VPS4B: variants seen among roughly 807,000 people sequenced by gnomAD.
VPS4B encodes vacuolar protein sorting 4 homolog B, also known as vacuolar protein sorting-associated protein 4B.
Under a neutral mutation model 56.1 loss-of-function variants are expected in VPS4B, and 23 were observed. The ratio of observed to expected loss-of-function variants is 0.41; its 90% CI spans 0.30 to 0.58. The LOEUF is 0.58. Among genes scored for constraint, VPS4B ranks in the 20% least tolerant of loss-of-function variants. The pLI is 0.29. For missense variants in VPS4B, 372 were observed against 531.9 expected (o/e 0.70, Z 2.96); for synonymous variants, 177 against 186.0 (o/e 0.95, Z 0.39).
intron 1 of VPS4B, among the ~76,000 whole-genome samples, chr18:63,420,476 T>A (rs868839951): frequency 6.6e-6 from 1 of 151,940 alleles, no homozygotes; most frequent in Admixed American, 6.6e-5. Context: ...CTGCAAATGA[T>A]GAAGATTATG....
chr18:63,408,660 T>C (rs530892120), intron 3 of VPS4B, among the ~76,000 whole-genome samples: 2 of 152,208 alleles, frequency 1.3e-5, no homozygotes, highest in South Asian at 2.1e-4. Context: ...AGCAGAGGAG[T>C]TGGCAACAGT....
chr18:63,406,621 A>G (rs1915922967), intron 4 of VPS4B, among the ~76,000 whole-genome samples: 1 of 152,254 alleles, frequency 6.6e-6, no homozygotes, highest in Non-Finnish European at 1.5e-5. Flanking sequence ...GTGATTAACA[A>G]AGCCAGCCAA....
chr18:63,415,621 T>C (rs1916145051), intron 1 of VPS4B: 2 of 242,946 alleles, frequency 8.2e-6, no homozygotes, highest in Non-Finnish European at 1.8e-5. Context: ...ATAACCTTGA[T>C]CTTCTTGGGG....
At chr18:63,392,818 T>C (rs536014484) in intron 10 of VPS4B, among the ~76,000 whole-genome samples, 16 of 151,514 alleles carry the variant, frequency 1.1e-4, no homozygotes, top group Non-Finnish European at 2.1e-4. Flanking sequence ...TTGTGCAATC[T>C]CGGCTCACTG....
At chr18:63,394,813 T>C (rs1599355433) in intron 9 of VPS4B, among the ~76,000 whole-genome samples, 2 of 152,272 alleles carry the variant, frequency 1.3e-5, no homozygotes, top group South Asian at 4.1e-4. Context: ...ACTTTAAATA[T>C]TATCTCAGTA....
intron 1 of VPS4B, among the ~76,000 whole-genome samples, chr18:63,416,732 G>A (rs532244610): frequency 1.6e-4 from 25 of 152,154 alleles, no homozygotes; most frequent in African/African-American, 2.6e-4. Flanking sequence ...GGTTCTCCCC[G>A]AACCCTAGAA....
chr18:63,422,322 C>A lies in VPS4B; in HGVS notation c.-63G>T. On this transcript the variant is annotated 5_prime_UTR_variant, in exon 1 of 11. Coordinates refer to ENST00000238497, the MANE Select transcript of VPS4B (RefSeq NM_004869.4). ...CGAGGAGAGCCAACAGCAGCAACGT[C>A]GAAGCGCGCACGGGGTAACAGCCCT... 2 of 1,423,576 alleles carry A rather than the reference C, an allele frequency of 1.4e-6. No individual in the cohort carries two copies. The highest frequency in any genetic ancestry group is 1.9e-6 in the Non-Finnish European group (2 of 1,079,052). The allele number at this position is 1,423,576 out of a possible 1,614,324, so 88.2% of individuals were successfully genotyped here.
chr18:63,396,116 T>C (rs889949064), intron 9 of VPS4B, among the ~76,000 whole-genome samples: 7 of 152,252 alleles, frequency 4.6e-5, no homozygotes, highest in African/African-American at 1.7e-4. Context: ...CACCAGATTC[T>C]ACTCAAAAAT....
At chr18:63,402,406 C>A (rs1054838397) in intron 5 of VPS4B, among the ~76,000 whole-genome samples, 1 of 152,206 alleles carries the variant, frequency 6.6e-6, no homozygotes, top group Admixed American at 6.5e-5. Flanking sequence ...GATGACCTCT[C>A]GGGAGGAATG....
chr18:63,413,111 C>T (rs1437974722), intron 1 of VPS4B, among the ~76,000 whole-genome samples: 1 of 152,100 alleles, frequency 6.6e-6, no homozygotes, highest in Non-Finnish European at 1.5e-5. Context: ...AACAACCACA[C>T]CCACACACAT....
At chr18:63,403,467 C>T (rs1316555061) in intron 5 of VPS4B, among the ~76,000 whole-genome samples, 3 of 152,080 alleles carry the variant, frequency 2.0e-5, no homozygotes, top group Non-Finnish European at 2.9e-5. Flanking sequence ...CATAGTATTC[C>T]ACTGCATGTT....
chr18:63,404,093 T>C (rs950719419), intron 4 of VPS4B, among the ~76,000 whole-genome samples: 1 of 152,164 alleles, frequency 6.6e-6, no homozygotes, highest in Non-Finnish European at 1.5e-5. Flanking sequence ...AATAATACCA[T>C]CTGCCCAAAC....
chr18:63,421,587 C>T (rs1005372803), intron 1 of VPS4B, among the ~76,000 whole-genome samples: 1 of 152,164 alleles, frequency 6.6e-6, no homozygotes, highest in Non-Finnish European at 1.5e-5. Flanking sequence ...AGAGGACTAA[C>T]GATTAAGCCT....
chr18:63,419,259 C>T (rs1296511718), intron 1 of VPS4B, among the ~76,000 whole-genome samples: 1 of 152,138 alleles, frequency 6.6e-6, no homozygotes, highest in East Asian at 1.9e-4. Context: ...CCCGTCTCTA[C>T]AAAAATTAGC....
chr18:63,409,948 A>G (rs1915997658), intron 3 of VPS4B, among the ~76,000 whole-genome samples: 1 of 152,214 alleles, frequency 6.6e-6, no homozygotes, highest in Non-Finnish European at 1.5e-5. Context: ...GCAGGCAGTC[A>G]GGAAGGGTTG....
chr18:63,394,293 C>A lies in VPS4B; in HGVS notation c.1093-744G>T, dbSNP rs144281348. Reference sequence around the variant, plus strand: ...TAGTATGAAACTACTGAATCTCTTTCAACAAAAATGCTCTCAAATCTAAGT... The same window carrying A: ...TAGTATGAAACTACTGAATCTCTTTAAACAAAAATGCTCTCAAATCTAAGT... On this transcript the variant is annotated intron_variant, in intron 9 of 10. Transcript: ENST00000238497. 1.5e-3 allele frequency among the ~76,000 whole-genome samples: 228 copies of A among 152,252 alleles called. 1 individual carries two copies. The highest frequency in any genetic ancestry group is 5.6e-3 in the South Asian group (27 of 4,822).
At chr18:63,419,565 C>T (rs1414867851) in intron 1 of VPS4B, among the ~76,000 whole-genome samples, 1 of 152,158 alleles carries the variant, frequency 6.6e-6, no homozygotes, top group African/African-American at 2.4e-5. Flanking sequence ...TGCCTCCTTG[C>T]CCAGTACATT....
Position 63,422,225 on chromosome 18 carries a change from A to T in VPS4B, c.27+8T>A. The T allele has an allele frequency of 1.3e-6, 2 of 1,507,606 alleles. No individual in the cohort carries two copies. Among genetic ancestry groups the T allele is most frequent in the Non-Finnish European group, 1.8e-6 (2 of 1,126,164 alleles). 93.4% of individuals were successfully genotyped at this position (1,507,606 alleles called of 1,614,324 possible). Reference sequence around the variant, plus strand: ...CTCCCTAGGGGGACGGGAGATGAGCAATGATACCTGGAGGTTGGGCGAAGT... The same window carrying T: ...CTCCCTAGGGGGACGGGAGATGAGCTATGATACCTGGAGGTTGGGCGAAGT... On this transcript the variant is annotated splice_region_variant and intron_variant, in intron 1 of 10. Coordinates refer to ENST00000238497, the MANE Select transcript of VPS4B (RefSeq NM_004869.4).
chr18:63,421,821 C>A (rs551354417), intron 1 of VPS4B, among the ~76,000 whole-genome samples: 2 of 152,322 alleles, frequency 1.3e-5, no homozygotes, highest in South Asian at 4.1e-4. Flanking sequence ...ACTCACCTGA[C>A]AGCTCAGAAT....
Sources: gnomAD v4.1 joint callset for allele counts (sites outside exome capture counted in the v4.1 genomes callset) on GRCh38, gnomAD v4.1.1 for gene constraint, MANE v1.5 for transcripts, NCBI Gene and HGNC (gene_info 2026-07-23, HGNC 2026-07-21) for gene names.